The following TBC1D5 variants were observed in gnomAD, a reference collection of about 807,000 sequenced individuals.
TBC1D5 encodes the protein TBC1 domain family, member 5.
In TBC1D5, 75 loss-of-function variants were observed where a neutral mutation model predicts 100.3. The ratio of observed to expected loss-of-function variants is 0.75; its 90% CI spans 0.62 to 0.91. TBC1D5 has a LOEUF of 0.91. TBC1D5 is among the 40% of genes least tolerant of loss of function. TBC1D5 has a pLI of 0.00. For missense variants in TBC1D5, 910 were observed against 942.4 expected (o/e 0.97, Z 0.45); for synonymous variants, 323 against 325.6 (o/e 0.99, Z 0.09).
At position 17,512,984 on chromosome 3, in the gene TBC1D5, T is replaced by C. The variant is rs146129095; in HGVS notation, c.-35-4379A>G. Reference sequence around the variant, plus strand: ...AGGGTAAGCGTTCAGCACTAAAGCTTAGAAGGCAGTTTTAAACTACACTTA... The same window carrying C: ...AGGGTAAGCGTTCAGCACTAAAGCTCAGAAGGCAGTTTTAAACTACACTTA... On this transcript the variant is annotated intron_variant, in intron 2 of 21. Transcript: ENST00000253692. Among the ~76,000 whole-genome samples the C allele has an allele frequency of 9.2e-3, 1,405 of 152,220 alleles. 54 individuals carry two copies. Among genetic ancestry groups the C allele is most frequent in the Admixed American group, 0.072 (1,092 of 15,272 alleles).
chr3:17,253,008 A>G (rs2077303769), intron 16 of TBC1D5, among the ~76,000 whole-genome samples: 1 of 152,238 alleles, frequency 6.6e-6, no homozygotes, highest in Admixed American at 6.5e-5. Context: ...GGCCTAGCAC[A>G]GCGTCTGGCA....
intron 2 of TBC1D5, among the ~76,000 whole-genome samples, chr3:17,540,957 T>C (rs1478668604): frequency 1.1e-5 from 1 of 94,016 alleles, no homozygotes; most frequent in Non-Finnish European, 2.2e-5. Flanking sequence ...AAGAAAAAAA[T>C]CAGTTGACCA....
intron 3 of TBC1D5, among the ~76,000 whole-genome samples, chr3:17,493,138 A>T (rs2095659894): frequency 6.6e-6 from 1 of 152,108 alleles, no homozygotes. Flanking sequence ...ATGGTGATGA[A>T]TTCCCTCAGT....
chr3:17,673,026 T>A (rs2068133046), intron 1 of TBC1D5, among the ~76,000 whole-genome samples: 1 of 152,094 alleles, frequency 6.6e-6, no homozygotes, highest in Non-Finnish European at 1.5e-5. Context: ...TCACAGCAAG[T>A]AACCGTTGAG....
chr3:17,523,679 T>C (rs1004318357), intron 2 of TBC1D5, among the ~76,000 whole-genome samples: 1 of 152,188 alleles, frequency 6.6e-6, no homozygotes, highest in Non-Finnish European at 1.5e-5. Context: ...AATTATATCG[T>C]ATGAAATGCA....
rs555329606 is a variant in TBC1D5 at position 17,503,481 on chromosome 3, T to C, written c.97+4993A>G. Among the ~76,000 whole-genome samples, 36 of 149,814 alleles carry C rather than the reference T, an allele frequency of 2.4e-4. 7 individuals are homozygous for C. The highest frequency in any genetic ancestry group is 8.3e-4 in the African/African-American group (33 of 39,588). ...ATAAACACCATGGTATCTTTTTCAA[T>C]GTTTTATTTCCAGCACTTAGAACAA... On this transcript the variant is annotated intron_variant, in intron 3 of 21. Coordinates refer to ENST00000253692, the Ensembl canonical transcript of TBC1D5.
intron 17 of TBC1D5, among the ~76,000 whole-genome samples, chr3:17,231,216 T>C (rs531001026): frequency 2.0e-5 from 3 of 152,286 alleles, no homozygotes; most frequent in African/African-American, 7.2e-5. Context: ...AAATATCTCT[T>C]GACAAAGGTT....
chr3:17,735,834 C>T (rs115106842), intron 1 of TBC1D5, among the ~76,000 whole-genome samples: 4 of 152,232 alleles, frequency 2.6e-5, no homozygotes, highest in Non-Finnish European at 5.9e-5. Flanking sequence ...TGGTGGATGG[C>T]GAGCGAAAGC....
chr3:17,443,626 G>C (rs1231013309), intron 3 of TBC1D5, among the ~76,000 whole-genome samples: 1 of 152,118 alleles, frequency 6.6e-6, no homozygotes, highest in Non-Finnish European at 1.5e-5. Context: ...TTGTGCCTCA[G>C]CTTCTTCAAG....
intron 4 of TBC1D5, among the ~76,000 whole-genome samples, chr3:17,412,470 A>C (rs148743881): frequency 1.3e-5 from 2 of 152,166 alleles, no homozygotes; most frequent in Non-Finnish European, 2.9e-5. Flanking sequence ...AGGTTTTTTT[A>C]CAATCACAAA....
intron 2 of TBC1D5, among the ~76,000 whole-genome samples, chr3:17,556,757 TG>T (rs2096524910): frequency 6.6e-6 from 1 of 152,224 alleles, no homozygotes; most frequent in African/African-American, 2.4e-5. Context: ...CATAAATGAT[TG>T]TTATACACTA....
intron 18 of TBC1D5, among the ~76,000 whole-genome samples, chr3:17,186,464 T>C (rs1384575461): frequency 2.0e-5 from 3 of 151,808 alleles, no homozygotes; most frequent in Non-Finnish European, 2.9e-5. Flanking sequence ...ATCCCAGCAC[T>C]TTGAGAGGCA....
At chr3:17,675,847 C>T (rs1038069189) in intron 1 of TBC1D5, among the ~76,000 whole-genome samples, 7 of 152,000 alleles carry the variant, frequency 4.6e-5, no homozygotes, top group Non-Finnish European at 1.0e-4. Context: ...TATTATTTTA[C>T]GATTTGGAAT....
At chr3:17,511,428 G>A (rs1205610025) in intron 2 of TBC1D5, among the ~76,000 whole-genome samples, 1 of 151,732 alleles carries the variant, frequency 6.6e-6, no homozygotes, top group African/African-American at 2.4e-5. Context: ...CACTGTTACA[G>A]GTTTCACATA....
chr3:17,544,650 G>GAAATAAAAAAA (rs2096396125), intron 2 of TBC1D5, among the ~76,000 whole-genome samples: 1 of 86,266 alleles, frequency 1.2e-5, no homozygotes, highest in African/African-American at 4.3e-5. Context: ...GACTCCGTCT[G>GAAATAAAAAAA]AAAAAAAAAA....
intron 13 of TBC1D5, among the ~76,000 whole-genome samples, chr3:17,365,385 G>A (rs2092043099): frequency 1.3e-5 from 2 of 152,058 alleles, no homozygotes; most frequent in Non-Finnish European, 2.9e-5. Context: ...TGTCAGTAAA[G>A]GTTGTTTCTC....
At chr3:17,558,925 G>A (rs2153468006) in intron 2 of TBC1D5, among the ~76,000 whole-genome samples, 1 of 152,168 alleles carries the variant, frequency 6.6e-6, no homozygotes, top group Middle Eastern at 3.4e-3. Context: ...GGCCAGATTT[G>A]CCTCATAGGC....
intron 1 of TBC1D5, among the ~76,000 whole-genome samples, chr3:17,707,703 C>A (rs1281721454): frequency 6.6e-6 from 1 of 152,104 alleles, no homozygotes; most frequent in Non-Finnish European, 1.5e-5. Flanking sequence ...GTCAAAACAG[C>A]TTCTTCACAG....
At chr3:17,737,165 C>T (rs1402119306) in intron 1 of TBC1D5, among the ~76,000 whole-genome samples, 1 of 152,108 alleles carries the variant, frequency 6.6e-6, no homozygotes, top group Admixed American at 6.5e-5. Flanking sequence ...AGGTGGGAGC[C>T]GTTTTTCTCT....
Sources: gnomAD v4.1 joint callset for allele counts (sites outside exome capture counted in the v4.1 genomes callset) on GRCh38, gnomAD v4.1.1 for gene constraint, MANE v1.5 for transcripts, NCBI Gene and HGNC (gene_info 2026-07-23, HGNC 2026-07-21) for gene names.